PBX4: variants seen among roughly 807,000 people sequenced by gnomAD.
The protein encoded by PBX4 is PBX homeobox 4.
PBX4 carries 26 observed loss-of-function variants against 35.1 expected under a neutral mutation model. The ratio of observed to expected loss-of-function variants is 0.74; its 90% CI spans 0.54 to 1.03. The LOEUF (loss-of-function observed/expected upper bound fraction) is 1.03. Ranked by LOEUF, PBX4 falls within the 50% of genes least tolerant of loss-of-function variation. PBX4 has a pLI of 0.00. For synonymous variants in PBX4, 199 were observed against 204.2 expected, an observed-to-expected ratio of 0.97 and a Z score of 0.22; for missense variants, 448 against 504.3, an observed-to-expected ratio of 0.89 and a Z score of 1.07.
chr19:19,594,127 C>T (rs1195576339), intron 2 of PBX4, among the ~76,000 whole-genome samples: 1 of 151,136 alleles, frequency 6.6e-6, no homozygotes, highest in South Asian at 2.1e-4. Flanking sequence ...AAAATGTCGC[C>T]GGGCATGGTG....
In PBX4 at chr19:19,588,070, G is replaced by C. The variant is rs1343670712; in HGVS notation, c.193+11222C>G. 6.6e-6 allele frequency: 5 copies of C among 752,152 alleles called. No individual in the cohort carries two copies. The East Asian group carries it at 1.4e-4, about 22-fold the overall frequency. 46.6% of individuals were successfully genotyped at this position (752,152 alleles called of 1,614,324 possible). On this transcript the variant is annotated intron_variant, in intron 2 of 7. Coordinates refer to ENST00000251203, the MANE Select transcript of PBX4 (RefSeq NM_025245.3). ...GCAGCTTGATGTGGGGCGGTGGGGA[G>C]GAAGGGGCCACTTACCAATCACCTC...
chr19:19,569,923 A>T (rs1468213010), intron 4 of PBX4, among the ~76,000 whole-genome samples, 186 bp downstream of exon 4: 1 of 152,154 alleles, frequency 6.6e-6, no homozygotes, highest in Non-Finnish European at 1.5e-5. Context: ...TAAATAAATA[A>T]ATAAATACAA....
chr19:19,584,235 T>G (rs1471804719), intron 2 of PBX4, among the ~76,000 whole-genome samples: 1 of 152,056 alleles, frequency 6.6e-6, no homozygotes, highest in African/African-American at 2.4e-5. Flanking sequence ...GAGACTCTGA[T>G]TCAAAAAAAT....
At chr19:19,589,546 GAT>G (rs2061513337) in intron 2 of PBX4, among the ~76,000 whole-genome samples, 1 of 152,058 alleles carries the variant, frequency 6.6e-6, no homozygotes, top group Non-Finnish European at 1.5e-5. Context: ...GAGGCGGGTG[GAT>G]TACCTGAGGT....
At chr19:19,577,847 GAC>G (rs1216373655) in intron 2 of PBX4, among the ~76,000 whole-genome samples, 1 of 145,556 alleles carries the variant, frequency 6.9e-6, no homozygotes, top group Non-Finnish European at 1.5e-5. Flanking sequence ...GACAAAGGGA[GAC>G]TCCATCTAAA....
chr19:19,614,878 G>T (rs924128410), intron 1 of PBX4, among the ~76,000 whole-genome samples: 3 of 151,726 alleles, frequency 2.0e-5, no homozygotes, highest in Non-Finnish European at 2.9e-5. Flanking sequence ...AGAAAGATTA[G>T]TCCAGGTGTG....
At chr19:19,577,212 AC>A (rs2061425297) in intron 2 of PBX4, among the ~76,000 whole-genome samples, 3 of 148,448 alleles carry the variant, frequency 2.0e-5, no homozygotes, top group Admixed American at 1.4e-4. Context: ...AAAAAAAAAA[AC>A]TCTCAAATTA....
At chr19:19,572,722 C>T (rs1388873454) in intron 2 of PBX4, among the ~76,000 whole-genome samples, 2 of 151,460 alleles carry the variant, frequency 1.3e-5, no homozygotes, top group South Asian at 2.1e-4. Context: ...GGCATGGTGT[C>T]GAGTGTCTGT....
At chr19:19,573,916 A>C (rs1213475400) in intron 2 of PBX4, among the ~76,000 whole-genome samples, 2 of 151,826 alleles carry the variant, frequency 1.3e-5, no homozygotes, top group Non-Finnish European at 2.9e-5. Context: ...TTTTAGTAGA[A>C]ACAGGGTTTC....
intron 2 of PBX4, among the ~76,000 whole-genome samples, chr19:19,589,380 G>A (rs1281298021): frequency 6.6e-6 from 1 of 152,006 alleles, no homozygotes; most frequent in Non-Finnish European, 1.5e-5. Context: ...CTTGCAGCGA[G>A]CCGAGATTGC....
rs1163908546 is a variant in PBX4, at chr19:19,570,795, CAG to C, written c.230_231del (p.Pro77ArgfsTer9). The C allele has an allele frequency of 2.5e-6, 4 of 1,613,952 alleles. No individual in the cohort carries two copies. Among genetic ancestry groups the C allele is most frequent in the Admixed American group, 3.3e-5 (2 of 59,986 alleles). Reference sequence around the variant, plus strand: ...TTATCCAGCCTCAGGAGCTGGGCGTCAGGGGGATCTTCGTCTTGAATGCCACG... The same window carrying C: ...TTATCCAGCCTCAGGAGCTGGGCGTCGGGGATCTTCGTCTTGAATGCCACG... ...SIRGIQDEDP[P>X]DAQLLRLDNM... On this transcript the variant is annotated frameshift_variant, in exon 3 of 8. Transcript: ENST00000251203. LOFTEE classifies it high-confidence loss of function.
At chr19:19,598,815 G>A (rs969378506) in intron 2 of PBX4, among the ~76,000 whole-genome samples, 5 of 151,742 alleles carry the variant, frequency 3.3e-5, no homozygotes, top group Non-Finnish European at 7.4e-5. Flanking sequence ...CGTCTTCTGC[G>A]AGACAGAAGG....
chr19:19,611,967 T>C (rs2061664980), intron 1 of PBX4, among the ~76,000 whole-genome samples: 2 of 151,832 alleles, frequency 1.3e-5, no homozygotes, highest in African/African-American at 4.8e-5. Flanking sequence ...TGAGACTCTG[T>C]ATCTACAAAA....
rs569370125 is a variant in PBX4 at position 19,561,850 on chromosome 19, C to T, written c.*175G>A. ...GAATGAGTGGCGTTTCAGGCCATCT[C>T]GAGTCGCAGCAGACACATGAGCCGG... is the stretch of plus-strand genomic sequence containing the variant. On this transcript the variant is annotated 3_prime_UTR_variant, in exon 8 of 8. Transcript: ENST00000251203. 5.3e-5 allele frequency: 27 copies of T among 505,084 alleles called. No individual in the cohort carries two copies. Among genetic ancestry groups the T allele is most frequent in the East Asian group, 2.3e-4 (7 of 30,108 alleles). The allele number at this position is 505,084 out of a possible 1,614,324, so 31.3% of individuals were successfully genotyped here.
At chr19:19,573,912 T>C (rs1247734212) in intron 2 of PBX4, among the ~76,000 whole-genome samples, 2 of 152,190 alleles carry the variant, frequency 1.3e-5, no homozygotes, top group Non-Finnish European at 2.9e-5. Context: ...GTATTTTTAG[T>C]AGAAACAGGG....
intron 2 of PBX4, among the ~76,000 whole-genome samples, chr19:19,585,216 T>C (rs541656716): frequency 3.9e-4 from 60 of 152,030 alleles, no homozygotes; most frequent in Non-Finnish European, 7.2e-4. Flanking sequence ...TTCCAGCTAC[T>C]TGGGGGGCTG....
At chr19:19,615,003 T>G (rs997245349) in intron 1 of PBX4, among the ~76,000 whole-genome samples, 1 of 149,256 alleles carries the variant, frequency 6.7e-6, no homozygotes, top group Non-Finnish European at 1.5e-5. Flanking sequence ...CTACTAAAAA[T>G]ACAAAAAAAA....
intron 2 of PBX4, among the ~76,000 whole-genome samples, chr19:19,573,330 T>TATACACACAC (rs1344345485): frequency 1.0e-4 from 14 of 133,378 alleles, no homozygotes; most frequent in South Asian, 4.9e-4. Context: ...AAAAAAAATA[T>TATACACACAC]ACACACACAC....
At chr19:19,572,713 G>A (rs2061392028) in intron 2 of PBX4, among the ~76,000 whole-genome samples, 1 of 151,510 alleles carries the variant, frequency 6.6e-6, no homozygotes, top group Non-Finnish European at 1.5e-5. Flanking sequence ...AATTAGCCGG[G>A]CATGGTGTCG....
Sources: allele counts gnomAD v4.1 joint callset (sites outside exome capture counted in the v4.1 genomes callset), GRCh38; gene constraint gnomAD v4.1.1; transcripts MANE v1.5; gene names NCBI Gene and HGNC (gene_info 2026-07-23, HGNC 2026-07-21).